The following CHD9 variants were observed in gnomAD, a reference collection of about 807,000 sequenced individuals.
The protein encoded by CHD9 is ATP-dependent chromatin remodeler CHD9.
CHD9 carries 77 observed loss-of-function variants against 316.1 expected under a neutral mutation model. That is an observed-to-expected ratio of 0.24 (90% CI 0.20 to 0.29). The LOEUF is 0.29. Ranked by LOEUF, CHD9 falls within the 10% of genes least tolerant of loss-of-function variation. The pLI is 1.00. For synonymous variants in CHD9, 1,129 were observed against 1,158.3 expected (o/e 0.97, Z 0.51); for missense variants, 2,763 against 3,438.1 (o/e 0.80, Z 4.91).
At chr16:53,285,453 G>T in intron 24 of CHD9, 143 bp from the exon 25 acceptor site, 2 of 412,746 alleles carry the variant, frequency 4.8e-6, no homozygotes, top group Non-Finnish European at 8.4e-6. Context: ...ATTTTAATTG[G>T]TGGCAATTAT....
At chr16:53,190,878 A>G (rs1177158585) in intron 2 of CHD9, among the ~76,000 whole-genome samples, 1 of 152,120 alleles carries the variant, frequency 6.6e-6, no homozygotes, top group Non-Finnish European at 1.5e-5. Flanking sequence ...TATTAAACAG[A>G]TAAGTCAGGG....
In CHD9 at chr16:53,209,705, T is replaced by C. The variant is rs370421093; in HGVS notation, c.1676T>C (p.Val559Ala). 6.2e-7 allele frequency: 1 copy of C among 1,613,566 alleles called. No homozygotes were observed. Among genetic ancestry groups the C allele is most frequent in the Non-Finnish European group, 8.5e-7 (1 of 1,179,712 alleles). The change falls in exon 3 of 39, where the codon GTT becomes GCT. Residue 559 changes from valine (V) to alanine (A), a missense_variant. Val to Ala is a moderately conservative substitution (Grantham distance 64). Coordinates refer to ENST00000447540, the MANE Select transcript of CHD9 (RefSeq NM_001308319.2). ...CCTGAAAACTTTCCTACTGCTTCAG[T>C]TGAAGGAAAAGAGGAAAAGAAAGGT... ...MSPENFPTASVEGKEEKKGRR... is the reference protein window; with the variant it reads ...MSPENFPTASAEGKEEKKGRR...
intron 13 of CHD9, 89 bp downstream of exon 13, chr16:53,243,105 T>A: frequency 1.1e-6 from 1 of 924,580 alleles, no homozygotes; most frequent in Non-Finnish European, 1.6e-6. Context: ...ATTTTTCTTT[T>A]TAATTTTAGA....
Position 53,235,229 on chromosome 16 carries a change from G to A in CHD9, c.2556G>A (p.Arg852=). ...TTTGGAAGAAAATAGATCAATCCAG[G>A]GACTATAAAAATGGCAATCAACTCA... ...SNIWKKIDQS[R]DYKNGNQLRE... The change falls in exon 11 of 39, where the codon AGG becomes AGA. Residue 852 remains arginine, a synonymous_variant. Coordinates refer to ENST00000447540, the MANE Select transcript of CHD9 (RefSeq NM_001308319.2). 1 of 1,551,416 alleles carries A rather than the reference G, an allele frequency of 6.4e-7. No homozygotes were observed. Among genetic ancestry groups the A allele is most frequent in the Non-Finnish European group, 8.7e-7 (1 of 1,145,258 alleles).
At chr16:53,299,820 C>G (rs1249507665) in intron 30 of CHD9, 1 of 161,726 alleles carries the variant, frequency 6.2e-6, no homozygotes, top group Non-Finnish European at 1.3e-5. Context: ...CATTCCATAG[C>G]TTTCTAGTGG....
rs1187324845 is a variant in CHD9 at position 53,304,452 on chromosome 16, C to G, written c.6446C>G (p.Ser2149Cys). 1 of 1,578,484 alleles carries G rather than the reference C, an allele frequency of 6.3e-7. No individual in the cohort carries two copies. Among genetic ancestry groups the G allele is most frequent in the South Asian group, 1.2e-5 (1 of 86,072 alleles). The stretch of plus-strand genomic sequence containing the variant: ...TCATCTTGTTCTTCCAGATCATCTT[C>G]TTCCTCATCATCCTCTTCTTGCTCC... Reference protein sequence around the residue: ...ERSSCSSRSSSSSSSSSCSHS... With the variant: ...ERSSCSSRSSCSSSSSSCSHS... Residue 2149 changes from serine (S) to cysteine (C), a missense_variant, in exon 31 of 39, where the codon TCT (serine) becomes TGT (cysteine). By Grantham distance (112) the Ser-to-Cys change is moderately radical. This residue lies in a region of CHD9 where 663 missense variants were observed against 751.2 expected (regional missense o/e 0.88). Coordinates refer to ENST00000447540, the MANE Select transcript of CHD9 (RefSeq NM_001308319.2).
rs142223283 is a variant in CHD9, at chr16:53,203,345, T to C, written c.1453-6137T>C. 3.3e-5 allele frequency among the ~76,000 whole-genome samples: 5 copies of C among 152,306 alleles called. No individual in the cohort carries two copies. The East Asian group carries it at 9.7e-4, about 29-fold the overall frequency. On this transcript the variant is annotated intron_variant, in intron 2 of 38. Transcript: ENST00000447540. ...CCTTTCTTGGCTTCCATGGCACCAC[T>C]GTCTCCTGATACTTACCTTACCATT...
At chr16:53,220,675 T>C (rs1160627293) in intron 3 of CHD9, among the ~76,000 whole-genome samples, 1 of 152,206 alleles carries the variant, frequency 6.6e-6, no homozygotes, top group African/African-American at 2.4e-5. Flanking sequence ...CAGATTCCTT[T>C]TAAATTCTTG....
At chr16:53,058,042 A>G (rs1049685121) in intron 1 of CHD9, among the ~76,000 whole-genome samples, 2 of 152,222 alleles carry the variant, frequency 1.3e-5, no homozygotes, top group South Asian at 4.1e-4. Context: ...CATGAGTTAT[A>G]GTGCAGTTGG....
chr16:53,323,865 A>T (rs533531453), intron 38 of CHD9, among the ~76,000 whole-genome samples, 155 bp from the exon 39 acceptor site: 1 of 152,314 alleles, frequency 6.6e-6, no homozygotes, highest in South Asian at 2.1e-4. Flanking sequence ...ACTTATATAA[A>T]ATTAGGTTAT....
rs775050789 is a variant in CHD9, at chr16:53,324,780, C to T, written c.8579C>T (p.Pro2860Leu). 4.3e-6 allele frequency: 7 copies of T among 1,612,912 alleles called. No individual in the cohort carries two copies. The Admixed American group carries it at 5.0e-5, about 12-fold the overall frequency. Residue 2860 changes from proline (P) to leucine (L), a missense_variant, in exon 39 of 39, where the codon CCA (proline) becomes CTA (leucine). By Grantham distance (98) the Pro-to-Leu change is moderately conservative. Coordinates refer to ENST00000447540, the MANE Select transcript of CHD9 (RefSeq NM_001308319.2). ...KDQEDKGGTEPSPLNENSTDE... is the reference protein window; with the variant it reads ...KDQEDKGGTELSPLNENSTDE... ...CAGGAAGACAAAGGAGGAACTGAAC[C>T]AAGTCCTCTCAATGAAAACAGCACA...
chr16:53,257,663 G>A (rs998528959), intron 19 of CHD9, among the ~76,000 whole-genome samples: 2 of 152,148 alleles, frequency 1.3e-5, no homozygotes, highest in African/African-American at 4.8e-5. Flanking sequence ...TGGAGCTGTT[G>A]TATTTATGAC....
intron 24 of CHD9, among the ~76,000 whole-genome samples, chr16:53,283,650 TA>T (rs1370622694): frequency 6.6e-6 from 1 of 152,242 alleles, no homozygotes; most frequent in Non-Finnish European, 1.5e-5. Flanking sequence ...TCCTACTTAA[TA>T]ACTCGTTCAA....
At chr16:53,061,611 A>G (rs923867507) in intron 1 of CHD9, among the ~76,000 whole-genome samples, 2 of 152,114 alleles carry the variant, frequency 1.3e-5, no homozygotes, top group Admixed American at 6.6e-5. Context: ...TCCCTCAGGG[A>G]CCCTTAGCGA....
intron 1 of CHD9, among the ~76,000 whole-genome samples, chr16:53,066,058 G>A (rs1030939578): frequency 6.6e-6 from 1 of 152,114 alleles, no homozygotes; most frequent in Non-Finnish European, 1.5e-5. Flanking sequence ...AGAACTTCTT[G>A]CAATCAACAG....
At chr16:53,292,807 T>C in intron 28 of CHD9, 26 bp from the exon 29 acceptor site, 1 of 1,536,464 alleles carries the variant, frequency 6.5e-7, no homozygotes, top group Non-Finnish European at 9.0e-7. Flanking sequence ...GTTTAGTTAT[T>C]ATTACTATTA....
At chr16:53,293,481 T>C (rs1228880498) in intron 29 of CHD9, among the ~76,000 whole-genome samples, 2 of 151,746 alleles carry the variant, frequency 1.3e-5, no homozygotes, top group African/African-American at 4.8e-5. Flanking sequence ...CCAGGTGTGG[T>C]GGCGCATGCC....
Position 53,245,233 on chromosome 16 carries a change from A to G in CHD9, c.3055-103A>G. The G allele has an allele frequency of 1.3e-6, 1 of 794,718 alleles. No homozygotes were observed. The highest frequency in any genetic ancestry group is 2.3e-5 in the South Asian group (1 of 43,780). The allele number at this position is 794,718 out of a possible 1,614,324, so 49.2% of individuals were successfully genotyped here. A position where few individuals can be genotyped will look rare whatever the true frequency, so the allele number is the denominator to read the frequency against. ...ACATAACATATATATATGTATATAT[A>G]GTCAGAAAAATATTTGCATATTGAT... On this transcript the variant is annotated intron_variant, in intron 13 of 38. Transcript: ENST00000447540. This position sits in a 1 kb window ranked among gnomAD's most constrained non-coding sequence, Gnocchi z 4.1.
At position 53,314,744 on chromosome 16, in the gene CHD9, C is replaced by G. The variant is rs992683081; in HGVS notation, c.7363-79C>G. The G allele has an allele frequency of 4.0e-6, 5 of 1,236,734 alleles. No individual in the cohort carries two copies. The African/African-American group carries it at 6.1e-5, about 15-fold the overall frequency. 76.6% of individuals were successfully genotyped at this position (1,236,734 alleles called of 1,614,324 possible). The stretch of plus-strand genomic sequence containing the variant: ...TTAGCAACAACTTATTTTTTCTCTT[C>G]AAAAATAATTGCTTTATTGAACCAA... On this transcript the variant is annotated intron_variant, in intron 35 of 38. Transcript: ENST00000447540.
Sources: gnomAD v4.1 joint callset for allele counts (sites outside exome capture counted in the v4.1 genomes callset) on GRCh38, gnomAD v4.1.1 for gene constraint, gnomAD v4.1.1 regional missense constraint, Gnocchi (gnomAD v3.1) non-coding constraint, MANE v1.5 for transcripts, NCBI Gene and HGNC (gene_info 2026-07-23, HGNC 2026-07-21) for gene names.